CDKL5: variants seen among roughly 807,000 people sequenced by gnomAD.
CDKL5 encodes cyclin-dependent kinase-like 5.
A neutral mutation model predicts 61.7 loss-of-function variants in CDKL5; 8 were observed. The ratio of observed to expected loss-of-function variants is 0.13; its 90% CI spans 0.08 to 0.23. The LOEUF (loss-of-function observed/expected upper bound fraction) is 0.23. Among genes scored for constraint, CDKL5 ranks in the 10% least tolerant of loss-of-function variants. The pLI is 1.00. For synonymous variants in CDKL5, 275 were observed against 272.3 expected, an observed-to-expected ratio of 1.01 and a Z score of -0.10; for missense variants, 440 against 734.5, an observed-to-expected ratio of 0.60 and a Z score of 4.63.
chrX:18,514,793 G>GT (rs913656662), intron 3 of CDKL5, among the ~76,000 whole-genome samples: 1 of 109,244 alleles, frequency 9.2e-6, no homozygotes, highest in Non-Finnish European at 1.9e-5. Context: ...GTATGTGTTT[G>GT]TTTTTTTTGT....
rs41309577 is a variant in CDKL5, at chrX:18,575,256, A to G, written c.146-98A>G. 6.0e-3 allele frequency: 4,504 copies of G among 745,146 alleles called. 24 individuals carry two copies. The highest frequency in any genetic ancestry group is 0.023 in the African/African-American group (1,091 of 47,725). 61.4% of individuals were successfully genotyped at this position (745,146 alleles called of 1,213,427 possible). A position where few individuals can be genotyped will look rare whatever the true frequency, so the allele number is the denominator to read the frequency against. ...CTTCTTATGCAGAAGTACTCAAAGC[A>G]GAAGGTGAAATTGGGATGTTTTCAG... On this transcript the variant is annotated intron_variant, in intron 4 of 17. Transcript: ENST00000623535.
intron 12 of CDKL5, among the ~76,000 whole-genome samples, chrX:18,605,466 A>T (rs1926331605): frequency 8.9e-6 from 1 of 111,836 alleles, no homozygotes; most frequent in African/African-American, 3.3e-5. Context: ...AAACTCTAGA[A>T]CTGACCTAAC....
rs752378825 is a variant in CDKL5 at position 18,611,152 on chromosome X, C to T, written c.2152+1582C>T. On this transcript the variant is annotated intron_variant, in intron 14 of 17. Transcript: ENST00000623535. ...CGCTTTAGTATTTTATGGGACTGGC[C>T]GGGCGCAGTGGCTCACGCCTGTAAT... is the stretch of plus-strand genomic sequence containing the variant. 1.3e-4 allele frequency among the ~76,000 whole-genome samples: 15 copies of T among 111,557 alleles called. No homozygotes were observed. In the South Asian group the frequency reaches 3.0e-3, roughly 22 times the overall value.
chrX:18,597,226 T>G (rs1180952387), intron 10 of CDKL5, among the ~76,000 whole-genome samples: 8 of 110,991 alleles, frequency 7.2e-5, no homozygotes, highest in Non-Finnish European at 1.5e-4. Flanking sequence ...GTTTTTTAGC[T>G]TTTTTTGAAA....
At chrX:18,519,888 C>T (rs1477495601) in intron 3 of CDKL5, among the ~76,000 whole-genome samples, 1 of 111,991 alleles carries the variant, frequency 8.9e-6, no homozygotes, top group Non-Finnish European at 1.9e-5. Context: ...TCAAGTGCCT[C>T]TTCCAGGCGT....
At chrX:18,571,473 A>G (rs757800925) in intron 4 of CDKL5, among the ~76,000 whole-genome samples, 1 of 111,446 alleles carries the variant, frequency 9.0e-6, no homozygotes, top group African/African-American at 3.3e-5. Context: ...ATCCACGGGG[A>G]TTATTTCAAC....
chrX:18,610,572 A>T (rs1388810064), intron 14 of CDKL5, among the ~76,000 whole-genome samples: 5 of 112,919 alleles, frequency 4.4e-5, no homozygotes, highest in Non-Finnish European at 9.4e-5. Flanking sequence ...AGTTTCATAA[A>T]TATTTGTCAA....
intron 3 of CDKL5, among the ~76,000 whole-genome samples, chrX:18,532,864 T>G (rs2090208946): frequency 9.0e-6 from 1 of 111,573 alleles, no homozygotes; most frequent in African/African-American, 3.3e-5. Context: ...TTAGGGTTCA[T>G]TTTAAGTTTT....
chrX:18,558,537 A>G (rs914708524), intron 3 of CDKL5, among the ~76,000 whole-genome samples: 3 of 111,935 alleles, frequency 2.7e-5, no homozygotes, highest in Admixed American at 9.5e-5. Flanking sequence ...TCTGCAGATT[A>G]AGAAACTAAA....
chrX:18,648,065 G>A (rs1234647385), intron 20 of CDKL5, among the ~76,000 whole-genome samples: 7 of 110,700 alleles, frequency 6.3e-5, no homozygotes, highest in African/African-American at 3.3e-5. Flanking sequence ...GGCTGGGCAC[G>A]GTGACTCATG....
intron 3 of CDKL5, among the ~76,000 whole-genome samples, chrX:18,546,152 A>G (rs943494153): frequency 9.0e-6 from 1 of 111,522 alleles, no homozygotes; most frequent in African/African-American, 3.3e-5. Context: ...ATGAAAATGT[A>G]AAAAAACAGG....
At chrX:18,583,025 T>G (rs766900025) in intron 7 of CDKL5, among the ~76,000 whole-genome samples, 5 of 112,260 alleles carry the variant, frequency 4.5e-5, no homozygotes, top group East Asian at 2.8e-4. Context: ...ATACTGGATC[T>G]GAAAGATTTT....
At chrX:18,648,635 A>G (rs942289540) in intron 20 of CDKL5, among the ~76,000 whole-genome samples, 4 of 112,032 alleles carry the variant, frequency 3.6e-5, no homozygotes, top group Non-Finnish European at 7.5e-5. Flanking sequence ...CTTTGCAGTT[A>G]GAAGTGCCCA....
At chrX:18,581,752 ACTTT>A in intron 6 of CDKL5, 135 bp from the exon 7 acceptor site, 1 of 413,978 alleles carries the variant, frequency 2.4e-6, no homozygotes, top group Non-Finnish European at 4.2e-6. Flanking sequence ...AAAATGTGTT[ACTTT>A]ATTTTTGCTG....
At chrX:18,590,847 A>G (rs768524806) in intron 9 of CDKL5, among the ~76,000 whole-genome samples, 20 of 111,986 alleles carry the variant, frequency 1.8e-4, no homozygotes, top group Non-Finnish European at 2.4e-4. Flanking sequence ...GTTAGTCATA[A>G]TTAATGAATT....
chrX:18,597,560 T>G (rs1177899675), intron 10 of CDKL5, among the ~76,000 whole-genome samples: 1 of 109,685 alleles, frequency 9.1e-6, no homozygotes, highest in East Asian at 2.8e-4. Context: ...ACCAAAAAAT[T>G]AGAGTTGAGG....
At chrX:18,457,912 CT>C (rs775565675) in intron 1 of CDKL5, among the ~76,000 whole-genome samples, 26 of 45,233 alleles carry the variant, frequency 5.7e-4, no homozygotes, top group East Asian at 1.4e-3. Flanking sequence ...CCATGCCCGG[CT>C]TTTTTTTTTT....
Position 18,636,865 on chromosome X carries a change from T to G in CDKL5, c.*8108T>G, listed in dbSNP as rs1927403428. ...AGCTCACAACAATTTATGTGCCACCTTCCATCCCCTTTCCCAGCAGATGGT... is the reference window on the plus strand; with the variant it reads ...AGCTCACAACAATTTATGTGCCACCGTCCATCCCCTTTCCCAGCAGATGGT... On this transcript the variant is annotated 3_prime_UTR_variant, in exon 18 of 18. Transcript: ENST00000623535. The G allele has an allele frequency of 8.9e-6, 1 of 112,324 alleles. No homozygotes were observed. The highest frequency in any genetic ancestry group is 3.2e-5 in the African/African-American group (1 of 30,936). The allele number at this position is 112,324 out of a possible 1,213,427, so 9.3% of individuals were successfully genotyped here.
In CDKL5 at chrX:18,594,204, G is replaced by A. The variant is rs143567588; in HGVS notation, c.745-1144G>A. On this transcript the variant is annotated intron_variant, in intron 9 of 17. Transcript: ENST00000623535. The stretch of plus-strand genomic sequence containing the variant: ...GAAATGCTTGTATGTTGGTATAGAG[G>A]AAATAATGTATGGAAGCAGACTAGC... Among the ~76,000 whole-genome samples the A allele has an allele frequency of 5.4e-3, 604 of 112,025 alleles. 5 individuals carry two copies. Among genetic ancestry groups the A allele is most frequent in the African/African-American group, 0.018 (567 of 30,877 alleles).
Sources: gnomAD v4.1 joint callset for allele counts (sites outside exome capture counted in the v4.1 genomes callset) on GRCh38, gnomAD v4.1.1 for gene constraint, MANE v1.5 for transcripts, NCBI Gene and HGNC (gene_info 2026-07-23, HGNC 2026-07-21) for gene names.